TENM2: variants seen among roughly 807,000 people sequenced by gnomAD.
TENM2 encodes teneurin transmembrane protein 2.
TENM2 carries 52 observed loss-of-function variants against 245.2 expected under a neutral mutation model. That is an observed-to-expected ratio of 0.21 (90% CI 0.17 to 0.27). The LOEUF is 0.27. Among genes scored for constraint, TENM2 ranks in the 10% least tolerant of loss-of-function variants. TENM2 has a pLI of 1.00. For missense variants in TENM2, 3,046 were observed against 3,666.8 expected (o/e 0.83, Z 4.37); for synonymous variants, 1,363 against 1,438.9 (o/e 0.95, Z 1.19).
At position 167,558,074 on chromosome 5, in the gene TENM2, A is replaced by G. The variant is rs1027348776; in HGVS notation, c.502+182601A>G. Among the ~76,000 whole-genome samples the G allele has an allele frequency of 1.3e-5, 2 of 152,224 alleles. 1 individual carries two copies. Among genetic ancestry groups the G allele is most frequent in the Admixed American group, 1.3e-4 (2 of 15,288 alleles). ...TAAAAGCCGTGAAACAGAAACCTTC[A>G]GTGCTTTTTGGAAGCAGAACCACTA... On this transcript the variant is annotated intron_variant, in intron 2 of 28. Transcript: ENST00000518659.
At position 168,062,040 on chromosome 5, in the gene TENM2, A is replaced by G; in HGVS notation, c.1310-20A>G. Reference sequence around the variant, plus strand: ...CTATACACGTCATTGACTGCTGTTTATTCCTTTTTTTTTTTTCAGTGCCCT... The same window carrying G: ...CTATACACGTCATTGACTGCTGTTTGTTCCTTTTTTTTTTTTCAGTGCCCT... On this transcript the variant is annotated intron_variant, in intron 6 of 28. Coordinates refer to ENST00000518659, the Ensembl canonical transcript of TENM2. 1.3e-6 allele frequency: 2 copies of G among 1,506,736 alleles called. No homozygotes were observed. Among genetic ancestry groups the G allele is most frequent in the Non-Finnish European group, 1.8e-6 (2 of 1,117,470 alleles). 93.3% of individuals were successfully genotyped at this position (1,506,736 alleles called of 1,614,324 possible).
the TENM2 span, among the ~76,000 whole-genome samples, chr5:167,133,034 A>C: frequency 5.3e-5 from 8 of 152,204 alleles, no homozygotes; most frequent in African/African-American, 1.9e-4. Context: ...GAGATAGTAA[A>C]TCAGAGAGAC....
chr5:167,884,976 T>C (rs1185018069), intron 3 of TENM2, among the ~76,000 whole-genome samples: 1 of 152,196 alleles, frequency 6.6e-6, no homozygotes, highest in Admixed American at 6.5e-5. Flanking sequence ...TATTTCTTCA[T>C]GGTTTTGATT....
chr5:167,756,215 T>A (rs930562729), intron 2 of TENM2, among the ~76,000 whole-genome samples: 5 of 152,136 alleles, frequency 3.3e-5, no homozygotes, highest in African/African-American at 1.2e-4. Context: ...TGTTTCCATG[T>A]TGTATGATAT....
chr5:167,237,166 G>C, the TENM2 span, among the ~76,000 whole-genome samples: 1 of 152,110 alleles, frequency 6.6e-6, no homozygotes, highest in Admixed American at 6.5e-5. Context: ...CCGCGCACCT[G>C]TATGTCTGTG....
chr5:167,247,761 C>T, the TENM2 span, among the ~76,000 whole-genome samples: 3 of 151,990 alleles, frequency 2.0e-5, no homozygotes, highest in African/African-American at 7.2e-5. Flanking sequence ...TTGAATCTAG[C>T]TTTTTTAATA....
intron 2 of TENM2, among the ~76,000 whole-genome samples, chr5:167,410,613 T>C (rs967614535): frequency 6.6e-6 from 1 of 152,032 alleles, no homozygotes; most frequent in African/African-American, 2.4e-5. Flanking sequence ...CCCCATAAAG[T>C]TCTGTGTATT....
intron 27 of TENM2, among the ~76,000 whole-genome samples, chr5:168,250,896 G>C (rs1200147153): frequency 6.6e-6 from 1 of 152,220 alleles, no homozygotes; most frequent in African/African-American, 2.4e-5. Context: ...AATGATACAT[G>C]ATATAAAGAT....
At chr5:168,055,545 A>T (rs1789465408) in intron 6 of TENM2, among the ~76,000 whole-genome samples, 1 of 152,232 alleles carries the variant, frequency 6.6e-6, no homozygotes, top group African/African-American at 2.4e-5. Context: ...CTGGTCACTC[A>T]CTGTATATTG....
chr5:167,267,013 A>T, the TENM2 span, among the ~76,000 whole-genome samples: 3 of 152,174 alleles, frequency 2.0e-5, no homozygotes, highest in Admixed American at 2.0e-4. Context: ...CAGTCCACCC[A>T]CTAAATCAGC....
At chr5:168,223,392 A>G (rs1162072616) in intron 23 of TENM2, among the ~76,000 whole-genome samples, 1 of 151,932 alleles carries the variant, frequency 6.6e-6, no homozygotes, top group Non-Finnish European at 1.5e-5. Flanking sequence ...AAATACTTAG[A>G]ATTGCTTTGT....
chr5:167,017,144 G>C, the TENM2 span, among the ~76,000 whole-genome samples: 1 of 152,130 alleles, frequency 6.6e-6, no homozygotes, highest in Non-Finnish European at 1.5e-5. Context: ...AAGATGAATG[G>C]ACTCTGGGTA....
intron 25 of TENM2, among the ~76,000 whole-genome samples, chr5:168,232,132 A>AAGAT (rs568522875): frequency 1.0e-3 from 157 of 152,332 alleles, no homozygotes; most frequent in Middle Eastern, 3.4e-3. Flanking sequence ...AGAAGGGGAC[A>AAGAT]AGATAGATGA....
intron 5 of TENM2, among the ~76,000 whole-genome samples, chr5:168,036,658 A>G (rs1380436005): frequency 3.1e-5 from 4 of 130,484 alleles, no homozygotes; most frequent in East Asian, 2.0e-4. Context: ...ATATATATAT[A>G]TATATAATAT....
At chr5:168,226,057 AG>A (rs1764151638) in intron 23 of TENM2, 30 bp from the exon 26 acceptor site, 1 of 1,597,020 alleles carries the variant, frequency 6.3e-7, no homozygotes, top group Non-Finnish European at 8.5e-7. Flanking sequence ...GCTGCTAACC[AG>A]GGTTTATCTA....
At chr5:168,099,541 TTTTA>T (rs1212785355) in intron 9 of TENM2, among the ~76,000 whole-genome samples, 1 of 152,150 alleles carries the variant, frequency 6.6e-6, no homozygotes, top group Non-Finnish European at 1.5e-5. Flanking sequence ...ATGCATACGA[TTTTA>T]TTTATTTATA....
intron 23 of TENM2, among the ~76,000 whole-genome samples, chr5:168,220,369 T>C (rs1418530673): frequency 6.6e-6 from 1 of 152,170 alleles, no homozygotes; most frequent in East Asian, 1.9e-4. Context: ...ATAAAGAAGC[T>C]TGGGTTCAAG....
At chr5:167,836,777 A>T (rs1263929307) in intron 2 of TENM2, among the ~76,000 whole-genome samples, 1 of 146,224 alleles carries the variant, frequency 6.8e-6, no homozygotes, top group African/African-American at 2.4e-5. Flanking sequence ...ATGTGTGTAT[A>T]TACCCAACTC....
rs563481575 is a variant in TENM2, at chr5:167,586,369, G to A, written c.502+210896G>A. On this transcript the variant is annotated intron_variant, in intron 2 of 28. Coordinates refer to ENST00000518659, the Ensembl canonical transcript of TENM2. ...TCCTGGAACCAAGCCCCACAGATACGGAGGGACTACTGTAGTAATAAACAT... is the reference window on the plus strand; with the variant it reads ...TCCTGGAACCAAGCCCCACAGATACAGAGGGACTACTGTAGTAATAAACAT... 3.9e-5 allele frequency among the ~76,000 whole-genome samples: 6 copies of A among 152,286 alleles called. No individual in the cohort carries two copies. The South Asian group carries it at 8.3e-4, about 21-fold the overall frequency.
Sources: gnomAD v4.1 joint callset for allele counts (sites outside exome capture counted in the v4.1 genomes callset) on GRCh38, gnomAD v4.1.1 for gene constraint, MANE v1.5 for transcripts, NCBI Gene and HGNC (gene_info 2026-07-23, HGNC 2026-07-21) for gene names.